EIPR1: variants seen among roughly 807,000 people sequenced by gnomAD.
EIPR1 encodes the protein EARP complex and GARP complex interacting protein 1.
EIPR1 carries 25 observed loss-of-function variants against 48.1 expected under a neutral mutation model. The observed-to-expected ratio is 0.52, with a 90% confidence interval of 0.38 to 0.73. The LOEUF (loss-of-function observed/expected upper bound fraction) is 0.73. EIPR1 is among the 30% of genes least tolerant of loss of function. EIPR1 has a pLI of 0.00. For synonymous variants in EIPR1, 204 were observed against 201.9 expected (o/e 1.01, Z -0.09); for missense variants, 415 against 506.2 (o/e 0.82, Z 1.73).
chr2:3,255,974 T>A (rs1040064247), intron 4 of EIPR1, among the ~76,000 whole-genome samples: 3 of 152,192 alleles, frequency 2.0e-5, no homozygotes, highest in African/African-American at 7.2e-5. Flanking sequence ...AGATCCTGCA[T>A]TCGGGCGGGG....
At chr2:3,280,107 T>C (rs938771353) in intron 3 of EIPR1, among the ~76,000 whole-genome samples, 10 of 152,236 alleles carry the variant, frequency 6.6e-5, no homozygotes, top group African/African-American at 2.2e-4. Context: ...AAGGGATGTG[T>C]TGTGGTTTAT....
chr2:3,340,145 C>G (rs925923681), intron 2 of EIPR1, among the ~76,000 whole-genome samples: 1 of 152,220 alleles, frequency 6.6e-6, no homozygotes, highest in Admixed American at 6.5e-5. Flanking sequence ...TATCAATGAC[C>G]CAGTATCAGC....
intron 4 of EIPR1, among the ~76,000 whole-genome samples, chr2:3,251,705 C>T (rs1667004418): frequency 6.6e-6 from 1 of 152,194 alleles, no homozygotes; most frequent in Non-Finnish European, 1.5e-5. Context: ...TTTCAAAATG[C>T]TTAATTCCCA....
At chr2:3,369,679 G>C (rs1271549059) in intron 1 of EIPR1, among the ~76,000 whole-genome samples, 1 of 152,226 alleles carries the variant, frequency 6.6e-6, no homozygotes. Context: ...AGCGAGGCTG[G>C]GGGAGGGGCG....
chr2:3,350,161 A>G (rs1670530361), intron 2 of EIPR1, among the ~76,000 whole-genome samples: 1 of 142,324 alleles, frequency 7.0e-6, no homozygotes. Flanking sequence ...GATACTGGGT[A>G]GTTTATAAAG....
chr2:3,250,414 C>A (rs537279458), intron 4 of EIPR1, among the ~76,000 whole-genome samples: 6 of 152,354 alleles, frequency 3.9e-5, no homozygotes, highest in African/African-American at 1.4e-4. Context: ...CTAATGCCTG[C>A]ACCCCCATTG....
At chr2:3,352,740 T>C (rs985168873) in intron 2 of EIPR1, among the ~76,000 whole-genome samples, 7 of 152,254 alleles carry the variant, frequency 4.6e-5, no homozygotes, top group African/African-American at 1.7e-4. Flanking sequence ...CTCACGCCTG[T>C]AATCCCAACA....
intron 5 of EIPR1, among the ~76,000 whole-genome samples, chr2:3,207,506 G>A (rs1665279452): frequency 6.6e-6 from 1 of 152,174 alleles, no homozygotes; most frequent in Non-Finnish European, 1.5e-5. Context: ...TAACCGCATG[G>A]CACATTACAA....
rs1399810668 is a variant in EIPR1 at position 3,312,511 on chromosome 2, C to T, written c.259+25506G>A. Among the ~76,000 whole-genome samples, 1 of 152,178 alleles carries T rather than the reference C, an allele frequency of 6.6e-6. No individual in the cohort carries two copies. The highest frequency in any genetic ancestry group is 2.1e-4 in the South Asian group (1 of 4,814). On this transcript the variant is annotated intron_variant, in intron 3 of 8. Coordinates refer to ENST00000382125, the MANE Select transcript of EIPR1 (RefSeq NM_003310.5). This position sits in a 1 kb window ranked among gnomAD's most constrained non-coding sequence, Gnocchi z 5.5. ...CTGTCCAATATTCCATCTCCAGGTT[C>T]CCATGGTCCTCCCAAGGCTCCCTCC...
chr2:3,317,275 A>C (rs1669338262), intron 3 of EIPR1, among the ~76,000 whole-genome samples: 1 of 151,458 alleles, frequency 6.6e-6, no homozygotes, highest in Admixed American at 6.6e-5. Flanking sequence ...TGCCGGGTAG[A>C]GAACAGAGCC....
chr2:3,309,835 TA>T lies in EIPR1; in HGVS notation c.259+28181del, dbSNP rs148939852. ...CCCCTTACTACCTGTTCAAAGGAGG[TA>T]ATCATGTGGGAGAGAGGCAGCAGAG... is the stretch of plus-strand genomic sequence containing the variant. On this transcript the variant is annotated intron_variant, in intron 3 of 8. Transcript: ENST00000382125. Among the ~76,000 whole-genome samples, 44 of 152,018 alleles carry T rather than the reference TA, an allele frequency of 2.9e-4. No individual in the cohort carries two copies. The East Asian group carries it at 7.0e-3, about 24-fold the overall frequency.
At chr2:3,284,973 G>T (rs1323407904) in intron 3 of EIPR1, among the ~76,000 whole-genome samples, 2 of 152,158 alleles carry the variant, frequency 1.3e-5, no homozygotes, top group African/African-American at 4.8e-5. Context: ...AGACGTGTAG[G>T]TATGGATCTT....
chr2:3,213,149 C>T (rs1280840536), intron 5 of EIPR1, among the ~76,000 whole-genome samples: 1 of 152,188 alleles, frequency 6.6e-6, no homozygotes, highest in African/African-American at 2.4e-5. Context: ...AGAAATCTAT[C>T]CAATGGATGC....
At chr2:3,354,325 C>T (rs1002374413) in intron 2 of EIPR1, among the ~76,000 whole-genome samples, 13 of 152,186 alleles carry the variant, frequency 8.5e-5, no homozygotes, top group South Asian at 2.1e-4. Context: ...AACAAGACTA[C>T]GGAAGTCATG....
At chr2:3,201,991 C>T (rs6742981) in intron 5 of EIPR1, among the ~76,000 whole-genome samples, 70,927 of 151,828 alleles carry the variant, frequency 0.47, 17,227 homozygotes, top group Middle Eastern at 0.64. Flanking sequence ...GGCTGGAGTG[C>T]AGTGGCGCGA....
intron 3 of EIPR1, among the ~76,000 whole-genome samples, chr2:3,298,174 G>C (rs1238599071): frequency 6.6e-6 from 1 of 152,130 alleles, no homozygotes; most frequent in East Asian, 1.9e-4. Context: ...GCAGAGAAAG[G>C]CTTGAGATTC....
intron 3 of EIPR1, among the ~76,000 whole-genome samples, chr2:3,295,584 C>G (rs1572407997): frequency 2.4e-5 from 3 of 127,064 alleles, no homozygotes; most frequent in Non-Finnish European, 3.3e-5. Context: ...CACCCTCCAT[C>G]CAGCCCTCCT....
At chr2:3,256,586 G>A (rs917758166) in intron 4 of EIPR1, among the ~76,000 whole-genome samples, 3 of 152,328 alleles carry the variant, frequency 2.0e-5, no homozygotes, top group South Asian at 2.1e-4. Context: ...AGACACACAC[G>A]CACATGTGTA....
Position 3,196,975 on chromosome 2 carries a change from A to G in EIPR1, c.559T>C (p.Phe187Leu). ...ASLEGKGQLK[F>L]TSGRWSPHHN... ...TGTGGGCTCCACCGTCCTGAGGTGA[A>G]CTTCAGTTGTCCCTTCCCTTCCAGG... Residue 187 changes from phenylalanine (F) to leucine (L), a missense_variant, in exon 6 of 9, where the codon TTC becomes CTC. By Grantham distance (22) the Phe-to-Leu change is conservative. Coordinates refer to ENST00000382125, the MANE Select transcript of EIPR1 (RefSeq NM_003310.5). 6.2e-7 allele frequency: 1 copy of G among 1,613,930 alleles called. No homozygotes were observed. Among genetic ancestry groups the G allele is most frequent in the African/African-American group, 1.3e-5 (1 of 75,066 alleles).
Sources: allele counts gnomAD v4.1 joint callset (sites outside exome capture counted in the v4.1 genomes callset), GRCh38; gene constraint gnomAD v4.1.1; non-coding constraint Gnocchi (gnomAD v3.1); transcripts MANE v1.5; gene names NCBI Gene and HGNC (gene_info 2026-07-23, HGNC 2026-07-21).